The following SEC63 variants were observed in gnomAD, a reference collection of about 807,000 sequenced individuals.
SEC63 encodes translocation protein SEC63 homolog.
Under a neutral mutation model 116.2 loss-of-function variants are expected in SEC63, and 56 were observed. The ratio of observed to expected loss-of-function variants is 0.48; its 90% CI spans 0.39 to 0.60. The LOEUF (loss-of-function observed/expected upper bound fraction) is 0.60. Among genes scored for constraint, SEC63 ranks in the 20% least tolerant of loss-of-function variants. SEC63 has a pLI of 0.00. For synonymous variants in SEC63, 273 were observed against 294.6 expected (o/e 0.93, Z 0.75); for missense variants, 668 against 900.0 (o/e 0.74, Z 3.30).
At chr6:107,941,601 A>G (rs140118571) in intron 1 of SEC63, among the ~76,000 whole-genome samples, 1 of 152,350 alleles carries the variant, frequency 6.6e-6, no homozygotes, top group Non-Finnish European at 1.5e-5. Context: ...CATTAATACC[A>G]TTGTAGTATC....
In SEC63 at chr6:107,921,755, C is replaced by G. The variant is rs1172876718; in HGVS notation, c.452+42G>C. 3 of 1,252,800 alleles carry G rather than the reference C, an allele frequency of 2.4e-6. No individual in the cohort carries two copies. In the African/African-American group the frequency reaches 4.4e-5, roughly 19 times the overall value. 77.6% of individuals were successfully genotyped at this position (1,252,800 alleles called of 1,614,324 possible). ...GCATGAACCACTGCACCTGGCTTATCTGTACCATTCTTAAAAATTTGTAAT... is the reference window on the plus strand; with the variant it reads ...GCATGAACCACTGCACCTGGCTTATGTGTACCATTCTTAAAAATTTGTAAT... On this transcript the variant is annotated intron_variant, in intron 4 of 20. Transcript: ENST00000369002.
At chr6:107,879,724 C>CTTT (rs67569380) in intron 18 of SEC63, among the ~76,000 whole-genome samples, 4 of 126,716 alleles carry the variant, frequency 3.2e-5, no homozygotes, top group African/African-American at 5.9e-5. Context: ...TGATTTTTAT[C>CTTT]TTTTTTTTTT....
chr6:107,903,080 TCACACTAAATCCATAA>T (rs1162204302), intron 11 of SEC63, 82 bp from the exon 12 acceptor site: 1 of 1,386,964 alleles, frequency 7.2e-7, no homozygotes, highest in East Asian at 2.3e-5. Context: ...AAAACAAAAT[TCACACTAAATCCATAA>T]CACCTCAAAT....
At chr6:107,953,927 G>A (rs1770644185) in intron 1 of SEC63, among the ~76,000 whole-genome samples, 1 of 152,058 alleles carries the variant, frequency 6.6e-6, no homozygotes, top group African/African-American at 2.4e-5. Flanking sequence ...TGGGACGTGA[G>A]GAGCCCCTCT....
chr6:107,882,093 C>T (rs1049544484), intron 17 of SEC63, among the ~76,000 whole-genome samples: 1 of 152,164 alleles, frequency 6.6e-6, no homozygotes, highest in Non-Finnish European at 1.5e-5. Context: ...ACAAAAACAG[C>T]CAAGGCCCTG....
chr6:107,897,657 T>C lies in SEC63; in HGVS notation c.1432A>G (p.Thr478Ala). The stretch of plus-strand genomic sequence containing the variant: ...ACAGATAGACTACTTACAGCCATTG[T>C]TTGCCTTGTCAACTTAACCAACACT... ...VTVLVKLTRQ[T>A]MAEVFEKEQS... The change falls in exon 14 of 21, where the codon ACA becomes GCA. Residue 478 changes from threonine to alanine, a missense_variant. Physicochemically the swap from Thr to Ala is moderately conservative, Grantham distance 58. This residue lies in a region of SEC63 where 430 missense variants were observed against 557.5 expected (regional missense o/e 0.77). Coordinates refer to ENST00000369002, the MANE Select transcript of SEC63 (RefSeq NM_007214.5). 3.1e-6 allele frequency: 5 copies of C among 1,596,774 alleles called. No homozygotes were observed. The highest frequency in any genetic ancestry group is 4.3e-6 in the Non-Finnish European group (5 of 1,164,404).
At chr6:107,932,899 T>C (rs1787844341) in intron 1 of SEC63, among the ~76,000 whole-genome samples, 1 of 152,042 alleles carries the variant, frequency 6.6e-6, no homozygotes, top group African/African-American at 2.4e-5. Context: ...CGAATGACTT[T>C]GCAGTGGGGT....
chr6:107,918,329 C>A (rs1787463218), intron 4 of SEC63, among the ~76,000 whole-genome samples: 1 of 152,082 alleles, frequency 6.6e-6, no homozygotes, highest in African/African-American at 2.4e-5. Context: ...TGGAGCTGTA[C>A]AAACAGATTA....
chr6:107,921,064 C>T (rs1293053741), intron 4 of SEC63, among the ~76,000 whole-genome samples: 1 of 152,040 alleles, frequency 6.6e-6, no homozygotes, highest in Non-Finnish European at 1.5e-5. Flanking sequence ...TAAGAATAAT[C>T]TTGTGTGACG....
At chr6:107,950,029 C>T (rs750385772) in intron 1 of SEC63, among the ~76,000 whole-genome samples, 15 of 152,126 alleles carry the variant, frequency 9.9e-5, no homozygotes, top group Non-Finnish European at 1.9e-4. Flanking sequence ...GATCCAACTA[C>T]GTCCATCTAC....
At chr6:107,902,753 T>TA in intron 12 of SEC63, 91 bp downstream of exon 12, 1 of 1,204,704 alleles carries the variant, frequency 8.3e-7, no homozygotes, top group Admixed American at 1.7e-5. Flanking sequence ...AAAAAATGCA[T>TA]AGTAACCATT....
At chr6:107,888,130 A>G (rs555457579) in intron 16 of SEC63, among the ~76,000 whole-genome samples, 33 of 152,314 alleles carry the variant, frequency 2.2e-4, no homozygotes, top group African/African-American at 7.9e-4. Flanking sequence ...TTCTGTGAAG[A>G]AAGTCAATGG....
chr6:107,888,849 A>G (rs931002472), intron 16 of SEC63, among the ~76,000 whole-genome samples: 1 of 152,142 alleles, frequency 6.6e-6, no homozygotes, highest in African/African-American at 2.4e-5. Context: ...TGAGATAATC[A>G]TGTGGTTTTT....
intron 13 of SEC63, among the ~76,000 whole-genome samples, chr6:107,900,279 C>T (rs1786970235): frequency 6.6e-6 from 1 of 152,000 alleles, no homozygotes; most frequent in Non-Finnish European, 1.5e-5. Flanking sequence ...GGATTAAAGG[C>T]ATGACACCAC....
intron 14 of SEC63, among the ~76,000 whole-genome samples, chr6:107,896,905 G>C (rs938143745): frequency 6.6e-6 from 1 of 151,998 alleles, no homozygotes; most frequent in Non-Finnish European, 1.5e-5. Flanking sequence ...CTTGAACCCA[G>C]GAGATGGGAG....
intron 2 of SEC63, among the ~76,000 whole-genome samples, chr6:107,926,203 T>C (rs1787670225): frequency 6.6e-6 from 1 of 152,260 alleles, no homozygotes; most frequent in South Asian, 2.1e-4. Context: ...AAAACAGCTT[T>C]CAAAACTCTA....
intron 20 of SEC63, 110 bp downstream of exon 20, chr6:107,872,698 T>C (rs980299047): frequency 1.5e-5 from 11 of 709,862 alleles, no homozygotes; most frequent in Non-Finnish European, 2.7e-5. Context: ...AAGCATGAGA[T>C]GACTTCTTTT....
chr6:107,921,977 TAATC>T (rs1360114897), intron 3 of SEC63, 68 bp from the exon 4 acceptor site: 28 of 903,770 alleles, frequency 3.1e-5, no homozygotes, highest in African/African-American at 2.7e-4. Flanking sequence ...TGTAAAGAAA[TAATC>T]AATCCTATTT....
intron 19 of SEC63, among the ~76,000 whole-genome samples, chr6:107,875,350 G>T (rs1407937495): frequency 6.6e-6 from 1 of 152,198 alleles, no homozygotes; most frequent in Non-Finnish European, 1.5e-5. Flanking sequence ...TGGGGATCTA[G>T]GGAGGTTTCA....
Sources: gnomAD v4.1 joint callset for allele counts (sites outside exome capture counted in the v4.1 genomes callset) on GRCh38, gnomAD v4.1.1 for gene constraint, gnomAD v4.1.1 regional missense constraint, MANE v1.5 for transcripts, NCBI Gene and HGNC (gene_info 2026-07-23, HGNC 2026-07-21) for gene names.